The following EIF2AK3 variants were observed in gnomAD, a reference collection of about 807,000 sequenced individuals.
The protein encoded by EIF2AK3 is eukaryotic translation initiation factor 2 alpha kinase 3.
Under a neutral mutation model 113.5 loss-of-function variants are expected in EIF2AK3, and 50 were observed. The observed-to-expected ratio is 0.44, with a 90% confidence interval of 0.35 to 0.56. The LOEUF (loss-of-function observed/expected upper bound fraction) is 0.56. Among genes scored for constraint, EIF2AK3 ranks in the 20% least tolerant of loss-of-function variants. The probability of loss-of-function intolerance (pLI) is 0.00; values close to 1 mark genes in which losing one functional copy is unlikely to be tolerated. For missense variants in EIF2AK3, 1,185 were observed against 1,378.0 expected (o/e 0.86, Z 2.22); for synonymous variants, 448 against 495.4 (o/e 0.90, Z 1.27).
intron 14 of EIF2AK3, among the ~76,000 whole-genome samples, chr2:88,569,336 CAA>C (rs552792164): frequency 8.9e-6 from 1 of 112,994 alleles, no homozygotes; most frequent in Non-Finnish European, 1.9e-5. Context: ...GACCCCATCT[CAA>C]AAAAAAAAAC....
intron 3 of EIF2AK3, among the ~76,000 whole-genome samples, chr2:88,595,221 A>C (rs1010653098): frequency 5.9e-5 from 9 of 151,318 alleles, no homozygotes; most frequent in Admixed American, 5.3e-4. Flanking sequence ...AAAAAAAAAA[A>C]AAAAAAAACA....
intron 2 of EIF2AK3, 131 bp downstream of exon 2, chr2:88,613,593 C>T: frequency 1.1e-6 from 1 of 924,354 alleles, no homozygotes; most frequent in Admixed American, 1.9e-5. Context: ...TAAGTAATTG[C>T]CCTAAAGGGA....
At position 88,604,506 on chromosome 2, in the gene EIF2AK3, G is replaced by A. The variant is rs142998348; in HGVS notation, c.439-8843C>T. Among the ~76,000 whole-genome samples, 617 of 152,230 alleles carry A rather than the reference G, an allele frequency of 4.1e-3. 2 individuals are homozygous for A. The highest frequency in any genetic ancestry group is 0.02 in the Middle Eastern group (6 of 294). On this transcript the variant is annotated intron_variant, in intron 2 of 16. Coordinates refer to ENST00000303236, the MANE Select transcript of EIF2AK3 (RefSeq NM_004836.7). ...TATGCTTGTTAGAGTCTTTCTTTGT[G>A]CTCTATCCTGCCTTGTGCCAGTTAC...
At position 88,572,906 on chromosome 2, in the gene EIF2AK3, A is replaced by C. The variant is rs983357561; in HGVS notation, c.2817+1760T>G. On this transcript the variant is annotated intron_variant, in intron 13 of 16. Coordinates refer to ENST00000303236, the MANE Select transcript of EIF2AK3 (RefSeq NM_004836.7). ...GGTTTCTGTCAGAACAGTGTATATCAAGAGGAACTGAGAAAAGTTCAGAGT... is the reference window on the plus strand; with the variant it reads ...GGTTTCTGTCAGAACAGTGTATATCCAGAGGAACTGAGAAAAGTTCAGAGT... Among the ~76,000 whole-genome samples the C allele has an allele frequency of 7.9e-5, 12 of 152,342 alleles. 2 individuals carry two copies. In the South Asian group the frequency reaches 2.5e-3, roughly 32 times the overall value.
intron 10 of EIF2AK3, among the ~76,000 whole-genome samples, chr2:88,581,470 T>C (rs886614968): frequency 6.6e-6 from 1 of 152,182 alleles, no homozygotes; most frequent in African/African-American, 2.4e-5. Context: ...ACAGATTTAG[T>C]GATTTGGTTC....
intron 9 of EIF2AK3, among the ~76,000 whole-genome samples, chr2:88,584,979 C>A (rs527342448): frequency 6.6e-6 from 1 of 152,176 alleles, no homozygotes; most frequent in African/African-American, 2.4e-5. Flanking sequence ...GGACTTGAGC[C>A]TAACAATGGG....
intron 14 of EIF2AK3, among the ~76,000 whole-genome samples, chr2:88,567,035 T>TAG (rs1186008561): frequency 6.6e-6 from 1 of 152,184 alleles, no homozygotes; most frequent in Non-Finnish European, 1.5e-5. Context: ...TACACCACTA[T>TAG]ACCCTTCTTT....
In EIF2AK3 at chr2:88,627,265, C is replaced by T. The variant is rs1675894930; in HGVS notation, c.10G>A (p.Ala4Thr). Reference sequence around the variant, plus strand: ...CGTACCAGCAGCCCCGGGCTGATGGCGCGCTCCATCAGCGTCCCGCCCCGC... The same window carrying T: ...CGTACCAGCAGCCCCGGGCTGATGGTGCGCTCCATCAGCGTCCCGCCCCGC... Reference protein sequence around the residue: MERAISPGLLVRAL... With the variant: MERTISPGLLVRAL... Residue 4 changes from alanine (A) to threonine (T), a missense_variant, in exon 1 of 17, where the codon GCC becomes ACC. By Grantham distance (58) the Ala-to-Thr change is moderately conservative. Coordinates refer to ENST00000303236, the MANE Select transcript of EIF2AK3 (RefSeq NM_004836.7). 2 of 1,486,370 alleles carry T rather than the reference C, an allele frequency of 1.3e-6. No homozygotes were observed. Among genetic ancestry groups the T allele is most frequent in the African/African-American group, 1.5e-5 (1 of 68,784 alleles). 92.1% of individuals were successfully genotyped at this position (1,486,370 alleles called of 1,614,324 possible). A position where few individuals can be genotyped will look rare whatever the true frequency, so the allele number is the denominator to read the frequency against.
rs1553413369 is a variant in EIF2AK3, at chr2:88,627,234, AGC to A, written c.39_40del (p.Leu14AlafsTer62). 1 of 1,435,984 alleles carries A rather than the reference AGC, an allele frequency of 7.0e-7. No individual in the cohort carries two copies. Among genetic ancestry groups the A allele is most frequent in the Admixed American group, 2.8e-5 (1 of 35,846 alleles). The allele number at this position is 1,435,984 out of a possible 1,614,324, so 89.0% of individuals were successfully genotyped here. A position where few individuals can be genotyped will look rare whatever the true frequency, so the allele number is the denominator to read the frequency against. On this transcript the variant is annotated frameshift_variant, in exon 1 of 17. Transcript: ENST00000303236. LOFTEE classifies it high-confidence loss of function. ...CCCCAGCAGCAGCAGCAGCAGCAGC[AGC>A]GCCCGTACCAGCAGCCCCGGGCTGA...
intron 1 of EIF2AK3, among the ~76,000 whole-genome samples, chr2:88,616,840 G>C (rs990495629): frequency 1.3e-5 from 2 of 152,154 alleles, no homozygotes; most frequent in Non-Finnish European, 2.9e-5. Context: ...TTCCTGGTCA[G>C]GAATACAAGA....
At chr2:88,559,603 G>GGAGAGA (rs147739928) in intron 15 of EIF2AK3, among the ~76,000 whole-genome samples, 1 of 149,938 alleles carries the variant, frequency 6.7e-6, no homozygotes, top group Non-Finnish European at 1.5e-5. Flanking sequence ...AAGAGAAAGG[G>GGAGAGA]GAGAGAGAGA....
intron 8 of EIF2AK3, 53 bp from the exon 9 acceptor site, chr2:88,586,114 C>T (rs936510469): frequency 2.2e-5 from 30 of 1,362,614 alleles, no homozygotes; most frequent in South Asian, 2.1e-4. Context: ...AAAATAGGCC[C>T]GTCTTTAACT....
chr2:88,563,619 G>T (rs1674023009), intron 14 of EIF2AK3, among the ~76,000 whole-genome samples: 1 of 152,204 alleles, frequency 6.6e-6, no homozygotes, highest in African/African-American at 2.4e-5. Flanking sequence ...AGATGGAAAT[G>T]TGTACAGACA....
chr2:88,622,200 T>C (rs1368198046), intron 1 of EIF2AK3, among the ~76,000 whole-genome samples: 3 of 152,176 alleles, frequency 2.0e-5, no homozygotes, highest in African/African-American at 7.2e-5. Context: ...CCCGGCCCTA[T>C]GAAAGACTTT....
At chr2:88,563,849 T>C (rs866559768) in intron 14 of EIF2AK3, among the ~76,000 whole-genome samples, 12 of 152,266 alleles carry the variant, frequency 7.9e-5, no homozygotes, top group Middle Eastern at 3.4e-3. Context: ...TATATAGATA[T>C]ACACACACAC....
Position 88,570,280 on chromosome 2 carries a change from G to T in EIF2AK3, c.2985+594C>A, listed in dbSNP as rs576258076. Among the ~76,000 whole-genome samples the T allele has an allele frequency of 7.2e-5, 11 of 152,332 alleles. No homozygotes were observed. In the South Asian group the frequency reaches 2.3e-3, roughly 32 times the overall value. Reference sequence around the variant, plus strand: ...AAACGTCCGAGACCCGCTGCTCTAAGCATAGAGAAGCTTGTGAAGATCATT... The same window carrying T: ...AAACGTCCGAGACCCGCTGCTCTAATCATAGAGAAGCTTGTGAAGATCATT... On this transcript the variant is annotated intron_variant, in intron 14 of 16. Transcript: ENST00000303236.
chr2:88,606,368 T>C (rs1675277957), intron 2 of EIF2AK3, among the ~76,000 whole-genome samples: 1 of 152,106 alleles, frequency 6.6e-6, no homozygotes, highest in Admixed American at 6.5e-5. Context: ...CATGCAATGC[T>C]GGGATAAATT....
Position 88,619,955 on chromosome 2 carries a change from C to CAAAAAA in EIF2AK3, c.309-6108_309-6103dup, listed in dbSNP as rs35076573. Among the ~76,000 whole-genome samples, 145 of 119,696 alleles carry CAAAAAA rather than the reference C, an allele frequency of 1.2e-3. 1 individual carries two copies. Among genetic ancestry groups the CAAAAAA allele is most frequent in the Non-Finnish European group, 7.2e-4 (41 of 56,864 alleles). 78.5% of individuals were successfully genotyped at this position (119,696 alleles called of 152,430 possible). A position where few individuals can be genotyped will look rare whatever the true frequency, so the allele number is the denominator to read the frequency against. On this transcript the variant is annotated intron_variant, in intron 1 of 16. Coordinates refer to ENST00000303236, the MANE Select transcript of EIF2AK3 (RefSeq NM_004836.7). ...TGCACGACAGAGCGAGACTCCGTCT[C>CAAAAAA]AAAAAAAAAAAAAAAAAAAATCTTT...
intron 14 of EIF2AK3, 50 bp downstream of exon 14, chr2:88,570,824 A>G (rs1333860885): frequency 1.9e-6 from 3 of 1,603,304 alleles, no homozygotes; most frequent in Non-Finnish European, 2.6e-6. Flanking sequence ...GAAGAGATTC[A>G]TCAGGTACAT....
Sources: gnomAD v4.1 joint callset for allele counts (sites outside exome capture counted in the v4.1 genomes callset) on GRCh38, gnomAD v4.1.1 for gene constraint, MANE v1.5 for transcripts, NCBI Gene and HGNC (gene_info 2026-07-23, HGNC 2026-07-21) for gene names.